DYNC2H1: variants seen among roughly 807,000 people sequenced by gnomAD.
DYNC2H1 encodes cytoplasmic dynein 2 heavy chain 1.
DYNC2H1 carries 410 observed loss-of-function variants against 570.0 expected under a neutral mutation model. That is an observed-to-expected ratio of 0.72 (90% CI 0.66 to 0.78). The LOEUF is 0.78. Among genes scored for constraint, DYNC2H1 ranks in the 30% least tolerant of loss-of-function variants. DYNC2H1 has a pLI of 0.00. For synonymous variants in DYNC2H1, 1,688 were observed against 1,677.6 expected (o/e 1.01, Z -0.15); for missense variants, 4,865 against 5,046.4 (o/e 0.96, Z 1.09).
At chr11:103,314,169 C>T (rs952702598) in intron 79 of DYNC2H1, among the ~76,000 whole-genome samples, 18 of 152,110 alleles carry the variant, frequency 1.2e-4, no homozygotes, top group African/African-American at 4.3e-4. Context: ...CCCTGCCACC[C>T]ACTTTCTATT....
In DYNC2H1 at chr11:103,160,982, A is replaced by T. The variant is rs754944912; in HGVS notation, c.4429A>T (p.Lys1477Ter). 6.4e-7 allele frequency: 1 copy of T among 1,574,186 alleles called. No homozygotes were observed. Among genetic ancestry groups the T allele is most frequent in the Non-Finnish European group, 8.6e-7 (1 of 1,162,544 alleles). ...GAAATCAAAACATATAACTGCAATG[A>T]AATCTTTAGAGGGAGAAGTTGTACC... ...DEKSKHITAM[K>*]SLEGEVVPFK... The change falls in exon 29 of 89, where the codon AAA (lysine) becomes TAA (stop). Residue 1477 changes from lysine to a stop codon, truncating the protein, a stop_gained. Coordinates refer to ENST00000375735, the MANE Select transcript of DYNC2H1 (RefSeq NM_001377.3). LOFTEE classifies it high-confidence loss of function.
chr11:103,307,474 C>T lies in DYNC2H1; in HGVS notation c.11383-247C>T, dbSNP rs7117901. 0.17 allele frequency among the ~76,000 whole-genome samples: 26,212 copies of T among 151,922 alleles called. 2,422 individuals carry two copies. Among genetic ancestry groups the T allele is most frequent in the Admixed American group, 0.26 (3,948 of 15,234 alleles). ...GAATAAGTCAAAGAGACCAAGGTCACATAGCAGATTAGTGGCAAAGTATGA... is the reference window on the plus strand; with the variant it reads ...GAATAAGTCAAAGAGACCAAGGTCATATAGCAGATTAGTGGCAAAGTATGA... On this transcript the variant is annotated intron_variant, in intron 77 of 88. Transcript: ENST00000375735.
intron 20 of DYNC2H1, among the ~76,000 whole-genome samples, chr11:103,149,125 A>G (rs1408443330): frequency 3.9e-5 from 6 of 152,228 alleles, no homozygotes; most frequent in African/African-American, 1.4e-4. Flanking sequence ...ATGAAACAGT[A>G]ATAGTATTGT....
At chr11:103,137,444 T>G (rs1008286468) in intron 17 of DYNC2H1, among the ~76,000 whole-genome samples, 1 of 152,058 alleles carries the variant, frequency 6.6e-6, no homozygotes, top group Non-Finnish European at 1.5e-5. Flanking sequence ...TTTCTACATA[T>G]GGTTAGCCAG....
intron 22 of DYNC2H1, 70 bp from the exon 23 acceptor site, chr11:103,154,381 A>G: frequency 7.4e-7 from 1 of 1,343,156 alleles, no homozygotes; most frequent in Non-Finnish European, 1.0e-6. Flanking sequence ...CAGTTAAGTA[A>G]CTTAATGATA....
rs993402613 is a variant in DYNC2H1, at chr11:103,358,128, A to G, written c.12040-115A>G. On this transcript the variant is annotated intron_variant, in intron 82 of 88. Transcript: ENST00000375735. ...ATAATAAGATTATAAACTGTTGACA[A>G]CATTTTTGGTCTCTATTTTTATAAA... 1.0e-5 allele frequency: 6 copies of G among 578,382 alleles called. No individual in the cohort carries two copies. The Admixed American group carries it at 1.6e-4, about 15-fold the overall frequency. 35.8% of individuals were successfully genotyped at this position (578,382 alleles called of 1,614,324 possible).
rs113332399 is a variant in DYNC2H1 at position 103,136,121 on chromosome 11, A to C, written c.2574+173A>C. ...ACAACCTAGATTTATACTTCAGAAGAGAAAAAAGTTATGGGAAAGATTTTT... is the reference window on the plus strand; with the variant it reads ...ACAACCTAGATTTATACTTCAGAAGCGAAAAAAGTTATGGGAAAGATTTTT... On this transcript the variant is annotated intron_variant, in intron 17 of 88. Transcript: ENST00000375735. Among the ~76,000 whole-genome samples, 1,589 of 152,130 alleles carry C rather than the reference A, an allele frequency of 0.01. 34 individuals are homozygous for C. Among genetic ancestry groups the C allele is most frequent in the African/African-American group, 0.036 (1,491 of 41,544 alleles).
intron 1 of DYNC2H1, 102 bp from the exon 2 acceptor site, chr11:103,113,435 T>A: frequency 4.5e-6 from 4 of 884,754 alleles, no homozygotes; most frequent in Non-Finnish European, 6.3e-6. Flanking sequence ...AAAGTAACTA[T>A]TTTTTTCCAA....
At position 103,295,287 on chromosome 11, in the gene DYNC2H1, T is replaced by A. The variant is rs1591537847; in HGVS notation, c.11095+7682T>A. Among the ~76,000 whole-genome samples the A allele has an allele frequency of 2.0e-5, 3 of 152,214 alleles. No individual in the cohort carries two copies. The South Asian group carries it at 6.2e-4, about 32-fold the overall frequency. On this transcript the variant is annotated intron_variant, in intron 75 of 88. Coordinates refer to ENST00000375735, the MANE Select transcript of DYNC2H1 (RefSeq NM_001377.3). ...TTCCATGGGCACTGGTAGAATTCTG[T>A]CTGGTAATGAGGAGGAAATTAAAGA...
intron 17 of DYNC2H1, among the ~76,000 whole-genome samples, chr11:103,138,775 T>G (rs887657743): frequency 9.9e-5 from 15 of 152,202 alleles, no homozygotes; most frequent in Non-Finnish European, 2.1e-4. Context: ...TTGGAATAGT[T>G]TCAGAAGGAA....
Position 103,277,437 on chromosome 11 carries a change from G to A in DYNC2H1, c.10696-2911G>A, listed in dbSNP as rs1023828539. Among the ~76,000 whole-genome samples the A allele has an allele frequency of 2.0e-5, 3 of 152,040 alleles. No individual in the cohort carries two copies. Among genetic ancestry groups the A allele is most frequent in the East Asian group, 3.9e-4 (2 of 5,180 alleles). On this transcript the variant is annotated intron_variant, in intron 70 of 88. Transcript: ENST00000375735. The surrounding 1 kb of genome is among the most constrained non-coding windows in gnomAD (Gnocchi z 4.3). Reference sequence around the variant, plus strand: ...TCCTTCATCTGCCTTTTTCAGAAGCGCTGTATACTTCTGGGATGTTTAGTC... The same window carrying A: ...TCCTTCATCTGCCTTTTTCAGAAGCACTGTATACTTCTGGGATGTTTAGTC...
At chr11:103,345,094 A>T (rs1056609347) in intron 82 of DYNC2H1, among the ~76,000 whole-genome samples, 2 of 152,196 alleles carry the variant, frequency 1.3e-5, no homozygotes, top group Admixed American at 1.3e-4. Flanking sequence ...TTTTTCGAAC[A>T]TTATAAAGCA....
chr11:103,325,031 T>A lies in DYNC2H1; in HGVS notation c.12039+1041T>A, dbSNP rs1376680914. On this transcript the variant is annotated intron_variant, in intron 82 of 88. Coordinates refer to ENST00000375735, the MANE Select transcript of DYNC2H1 (RefSeq NM_001377.3). This position sits in a 1 kb window ranked among gnomAD's most constrained non-coding sequence, Gnocchi z 4.8. ...TCTTCTTTTGAGAAGCATCTCTTCATGTTTTTTGCCCACTTTTTAATGGGC... is the reference window on the plus strand; with the variant it reads ...TCTTCTTTTGAGAAGCATCTCTTCAAGTTTTTTGCCCACTTTTTAATGGGC... Among the ~76,000 whole-genome samples, 3 of 152,242 alleles carry A rather than the reference T, an allele frequency of 2.0e-5. No individual in the cohort carries two copies. The highest frequency in any genetic ancestry group is 4.8e-5 in the African/African-American group (2 of 41,478).
At chr11:103,234,876 GT>G (rs1304497746) in intron 61 of DYNC2H1, among the ~76,000 whole-genome samples, 1 of 151,752 alleles carries the variant, frequency 6.6e-6, no homozygotes, top group Non-Finnish European at 1.5e-5. Flanking sequence ...TTTATTTTCT[GT>G]TTCACTGGAG....
Position 103,395,472 on chromosome 11 carries a change from T to C in DYNC2H1, c.12157-4191T>C, listed in dbSNP as rs1035257301. On this transcript the variant is annotated intron_variant, in intron 83 of 88. Coordinates refer to ENST00000375735, the MANE Select transcript of DYNC2H1 (RefSeq NM_001377.3). The surrounding 1 kb of genome is among the most constrained non-coding windows in gnomAD (Gnocchi z 4.3). ...GTATCACTGATATACATATATATCA[T>C]ATATATATTTATGTATATGTACACA... 1.5e-5 allele frequency among the ~76,000 whole-genome samples: 2 copies of C among 131,744 alleles called. No individual in the cohort carries two copies. Among genetic ancestry groups the C allele is most frequent in the African/African-American group, 5.5e-5 (2 of 36,366 alleles). 86.4% of individuals were successfully genotyped at this position (131,744 alleles called of 152,430 possible).
chr11:103,123,691 A>G (rs925409588), intron 11 of DYNC2H1, among the ~76,000 whole-genome samples: 1 of 152,182 alleles, frequency 6.6e-6, no homozygotes, highest in Non-Finnish European at 1.5e-5. Flanking sequence ...TGCATACTTT[A>G]TCATTAGAGC....
At position 103,153,502 on chromosome 11, in the gene DYNC2H1, A is replaced by G; in HGVS notation, c.3296A>G (p.Lys1099Arg). The change falls in exon 22 of 89, where the codon AAG becomes AGG. Residue 1099 changes from lysine (K) to arginine (R), a missense_variant. Physicochemically the swap from Lys to Arg is conservative, Grantham distance 26. This residue lies in a region of DYNC2H1 where 1,936 missense variants were observed against 1,962.1 expected (regional missense o/e 0.99). Coordinates refer to ENST00000375735, the MANE Select transcript of DYNC2H1 (RefSeq NM_001377.3). ...EFDDLEVTRK[K>R]LVDDCHHFRL... ...GATGATCTTGAAGTCACAAGAAAAAAGCTGGTGTATGTTTTTTCTTTAAAA... is the reference window on the plus strand; with the variant it reads ...GATGATCTTGAAGTCACAAGAAAAAGGCTGGTGTATGTTTTTTCTTTAAAA... 1 of 1,554,704 alleles carries G rather than the reference A, an allele frequency of 6.4e-7. No individual in the cohort carries two copies. The highest frequency in any genetic ancestry group is 8.7e-7 in the Non-Finnish European group (1 of 1,153,612).
rs1865261660 is a variant in DYNC2H1, at chr11:103,261,056, G to GA, written c.10695+1084dup. ...TTATATAGGCTTCTTAGAAAGTGTT[G>GA]AAAAATATACAGTTAATGTATTTTT... is the stretch of plus-strand genomic sequence containing the variant. On this transcript the variant is annotated intron_variant, in intron 70 of 88. Coordinates refer to ENST00000375735, the MANE Select transcript of DYNC2H1 (RefSeq NM_001377.3). This position sits in a 1 kb window ranked among gnomAD's most constrained non-coding sequence, Gnocchi z 4.8. Among the ~76,000 whole-genome samples the GA allele has an allele frequency of 1.3e-5, 2 of 152,164 alleles. No homozygotes were observed. Among genetic ancestry groups the GA allele is most frequent in the East Asian group, 3.9e-4 (2 of 5,182 alleles).
intron 84 of DYNC2H1, 85 bp from the exon 85 acceptor site, chr11:103,435,858 T>C (rs1944041537): frequency 7.3e-7 from 1 of 1,372,088 alleles, no homozygotes. Context: ...TATGCCAAAA[T>C]TTTTCTCCAT....
Sources: allele counts gnomAD v4.1 joint callset (sites outside exome capture counted in the v4.1 genomes callset), GRCh38; gene constraint gnomAD v4.1.1; regional missense constraint gnomAD v4.1.1; non-coding constraint Gnocchi (gnomAD v3.1); transcripts MANE v1.5; gene names NCBI Gene and HGNC (gene_info 2026-07-23, HGNC 2026-07-21).